IPO5: variants seen among roughly 807,000 people sequenced by gnomAD.
IPO5 encodes importin-5.
A neutral mutation model predicts 143.3 loss-of-function variants in IPO5; 18 were observed. The observed-to-expected ratio is 0.13, with a 90% CI of 0.09 to 0.19. The LOEUF (loss-of-function observed/expected upper bound fraction) is 0.19, where lower values mean the gene tolerates loss of function less well. Ranked by LOEUF, IPO5 falls within the 10% of genes least tolerant of loss-of-function variation. The probability of loss-of-function intolerance (pLI) is 1.00; values close to 1 mark genes in which losing one functional copy is unlikely to be tolerated. For missense variants in IPO5, 1,013 were observed against 1,336.9 expected (o/e 0.76, Z 3.78); for synonymous variants, 477 against 465.7 (o/e 1.02, Z -0.31).
intron 1 of IPO5, 139 bp from the exon 2 acceptor site, chr13:97,953,980 T>C (rs978560255): frequency 4.4e-6 from 2 of 450,490 alleles, no homozygotes; most frequent in Non-Finnish European, 8.9e-6. Flanking sequence ...GTATTGTGCC[T>C]TACGTGAGCT....
chr13:97,969,678 TTAAGTA>T, intron 2 of IPO5, 39 bp from the exon 3 acceptor site: 1 of 813,908 alleles, frequency 1.2e-6, no homozygotes, highest in African/African-American at 1.7e-5. Context: ...ATCTTCAAAA[TTAAGTA>T]CCATCTAATG....
At chr13:97,975,252 CGG>C (rs71213659) in intron 3 of IPO5, among the ~76,000 whole-genome samples, 1 of 35,238 alleles carries the variant, frequency 2.8e-5, no homozygotes, top group Non-Finnish European at 7.1e-5. Context: ...GGGGGGAGGG[CGG>C]GGGGGGCTGG....
intron 18 of IPO5, 33 bp downstream of exon 18, chr13:98,008,175 C>G: frequency 7.8e-7 from 1 of 1,283,960 alleles, no homozygotes; most frequent in South Asian, 1.2e-5. Context: ...CTTTGATCCG[C>G]TAATGAGTTG....
chr13:97,969,175 A>ATATATATATTTTTTTTTTTTTTT (rs1234384302), intron 2 of IPO5, among the ~76,000 whole-genome samples: 2 of 43,896 alleles, frequency 4.6e-5, no homozygotes, highest in Non-Finnish European at 8.0e-5. Flanking sequence ...ATATATATAT[A>ATATATATATTTTTTTTTTTTTTT]TTTTTTTTTT....
chr13:98,001,075 T>C (rs1334948327), intron 13 of IPO5, among the ~76,000 whole-genome samples: 1 of 152,168 alleles, frequency 6.6e-6, no homozygotes, highest in Non-Finnish European at 1.5e-5. Flanking sequence ...GATTTCGCCA[T>C]GTTGCCCAGG....
At chr13:98,007,077 T>C (rs1244277220) in intron 17 of IPO5, among the ~76,000 whole-genome samples, 1 of 152,056 alleles carries the variant, frequency 6.6e-6, no homozygotes, top group Non-Finnish European at 1.5e-5. Context: ...TTCACTGTGT[T>C]GGCCAGGCTA....
At chr13:97,997,899 ATACC>A (rs1382430991) in intron 12 of IPO5, among the ~76,000 whole-genome samples, 21 of 152,378 alleles carry the variant, frequency 1.4e-4, no homozygotes, top group South Asian at 4.1e-4. Context: ...GAACTGAAAG[ATACC>A]TACAACAACA....
Position 98,023,099 on chromosome 13 carries a change from A to C in IPO5, c.*1277A>C, listed in dbSNP as rs1890588892. On this transcript the variant is annotated 3_prime_UTR_variant, in exon 29 of 29. Transcript: ENST00000651721. ...TTAAATGATTTGTATTACTTTATTA[A>C]AACTAAATCTGAAATGGAATAGAAA... 1 of 152,650 alleles carries C rather than the reference A, an allele frequency of 6.6e-6. No homozygotes were observed. Among genetic ancestry groups the C allele is most frequent in the African/African-American group, 2.4e-5 (1 of 41,456 alleles). 9.5% of individuals were successfully genotyped at this position (152,650 alleles called of 1,614,324 possible).
chr13:97,977,673 C>G (rs1886494217), intron 4 of IPO5, among the ~76,000 whole-genome samples: 1 of 152,128 alleles, frequency 6.6e-6, no homozygotes, highest in Non-Finnish European at 1.5e-5. Flanking sequence ...TTAAATATAT[C>G]TGTAAGCTCA....
Position 97,993,143 on chromosome 13 carries a change from G to A in IPO5, c.831G>A (p.Gln277=), listed in dbSNP as rs756134015. The A allele has an allele frequency of 1.2e-6, 2 of 1,614,002 alleles. No homozygotes were observed. The highest frequency in any genetic ancestry group is 3.3e-5 in the Admixed American group (2 of 60,020). The stretch of plus-strand genomic sequence containing the variant: ...CTAGCCTCAACAATATGCAACGCCA[G>A]CTTGCCCTTGAAGTGATCGTCACCC... ...GDTSLNNMQR[Q]LALEVIVTLS... is the part of the protein sequence containing the mutation. Residue 277 remains glutamine (Q), a synonymous_variant, in exon 11 of 29, where the codon CAG becomes CAA. Coordinates refer to ENST00000651721, the MANE Select transcript of IPO5 (RefSeq NM_002271.6).
rs632729 is a variant in IPO5, at chr13:98,006,205, G to C, written c.1573G>C (p.Glu525Gln). ...SIASVADTAE[E>Q]KFVPYYDLFM... The stretch of plus-strand genomic sequence containing the variant: ...TGCATCAGTTGCCGATACTGCAGAA[G>C]AAAAATTTGTCCCCTACTATGATTT... Residue 525 changes from glutamate to glutamine, a missense_variant, in exon 17 of 29, where the codon GAA (glutamate) becomes CAA (glutamine). By Grantham distance (29) the Glu-to-Gln change is conservative. Transcript: ENST00000651721. 1 of 1,613,874 alleles carries C rather than the reference G, an allele frequency of 6.2e-7. No homozygotes were observed. The highest frequency in any genetic ancestry group is 1.7e-5 in the Admixed American group (1 of 59,992).
chr13:98,013,122 C>G (rs1272986439), intron 21 of IPO5, among the ~76,000 whole-genome samples: 1 of 152,192 alleles, frequency 6.6e-6, no homozygotes, highest in East Asian at 1.9e-4. Flanking sequence ...ATGGCACGAT[C>G]TTAGCTCACT....
chr13:98,015,370 A>G lies in IPO5; in HGVS notation c.2326-160A>G, dbSNP rs372796002. On this transcript the variant is annotated intron_variant, in intron 22 of 28. Transcript: ENST00000651721. Reference sequence around the variant, plus strand: ...ATATTTTTTTCTAACTCCAATCTCTAAAATGCTGTCATTCTAACAAATACA... The same window carrying G: ...ATATTTTTTTCTAACTCCAATCTCTGAAATGCTGTCATTCTAACAAATACA... 1.8e-4 allele frequency among the ~76,000 whole-genome samples: 28 copies of G among 152,256 alleles called. No individual in the cohort carries two copies. In the East Asian group the frequency reaches 4.1e-3, roughly 22 times the overall value.
Position 98,016,737 on chromosome 13 carries a change from T to C in IPO5, c.2502T>C (p.Asn834=), listed in dbSNP as rs141775748. The part of the protein sequence containing the change: ...VEESLQDEDD[N]DVYILTKVSD... ...GTGTATGTTTTTTTTAGGATGATAA[T>C]GATGTTTATATTCTGACCAAAGTGT... The change falls in exon 25 of 29, where the codon AAT becomes AAC. Residue 834 remains asparagine, a synonymous_variant. Coordinates refer to ENST00000651721, the MANE Select transcript of IPO5 (RefSeq NM_002271.6). 2.8e-6 allele frequency: 4 copies of C among 1,431,674 alleles called. No individual in the cohort carries two copies. The highest frequency in any genetic ancestry group is 2.9e-5 in the African/African-American group (2 of 68,110). 88.7% of individuals were successfully genotyped at this position (1,431,674 alleles called of 1,614,324 possible). A position where few individuals can be genotyped will look rare whatever the true frequency, so the allele number is the denominator to read the frequency against.
intron 25 of IPO5, among the ~76,000 whole-genome samples, chr13:98,017,413 A>G (rs1368684244): frequency 1.3e-5 from 2 of 151,786 alleles, no homozygotes; most frequent in African/African-American, 2.4e-5. Flanking sequence ...GCTCACTGCA[A>G]CCTCCGCCTT....
chr13:98,006,359 T>TTTTTTTA lies in IPO5; in HGVS notation c.1716+17_1716+18insATTTTTT. Reference sequence around the variant, plus strand: ...GTTGGGAAGGAAAAAGTAAGTAATTTTTTTTTTTTTTTTTTTTTTTTTTTT... The same window carrying TTTTTTTA: ...GTTGGGAAGGAAAAAGTAAGTAATTTTTTTTTATTTTTTTTTTTTTTTTTTTTTTTTT... On this transcript the variant is annotated intron_variant, in intron 17 of 28. Coordinates refer to ENST00000651721, the MANE Select transcript of IPO5 (RefSeq NM_002271.6). The TTTTTTTA allele has an allele frequency of 4.7e-6, 1 of 211,194 alleles. No homozygotes were observed. The highest frequency in any genetic ancestry group is 6.6e-6 in the Non-Finnish European group (1 of 151,070). 13.1% of individuals were successfully genotyped at this position (211,194 alleles called of 1,614,324 possible).
intron 11 of IPO5, among the ~76,000 whole-genome samples, chr13:97,995,827 A>C (rs948391463): frequency 2.6e-5 from 4 of 152,192 alleles, no homozygotes; most frequent in African/African-American, 4.8e-5. Context: ...CGCTGGAACT[A>C]GTTAAAAAAG....
intron 9 of IPO5, among the ~76,000 whole-genome samples, chr13:97,991,243 C>A (rs148256458): frequency 6.7e-6 from 1 of 149,900 alleles, no homozygotes; most frequent in Admixed American, 6.7e-5. Flanking sequence ...GGCCTTAATA[C>A]AAAAAAGAAA....
At chr13:98,005,199 T>C (rs1257014302) in intron 16 of IPO5, among the ~76,000 whole-genome samples, 3 of 142,496 alleles carry the variant, frequency 2.1e-5, no homozygotes, top group East Asian at 4.0e-4. Context: ...GCCTGGCTTC[T>C]TTTTTTTTTT....
Sources: allele counts gnomAD v4.1 joint callset (sites outside exome capture counted in the v4.1 genomes callset), GRCh38; gene constraint gnomAD v4.1.1; transcripts MANE v1.5; gene names NCBI Gene and HGNC (gene_info 2026-07-23, HGNC 2026-07-21).